SH3PXD2A: variants seen among roughly 807,000 people sequenced by gnomAD.
The protein encoded by SH3PXD2A is SH3 and PX domains 2A, also known as SH3 and PX domain-containing protein 2A.
SH3PXD2A carries 32 observed loss-of-function variants against 115.2 expected under a neutral mutation model. The observed-to-expected ratio is 0.28, with a 90% CI of 0.21 to 0.37. The LOEUF is 0.37. Ranked by LOEUF, SH3PXD2A falls within the 10% of genes least tolerant of loss-of-function variation. The pLI is 1.00. For synonymous variants in SH3PXD2A, 610 were observed against 629.1 expected, an observed-to-expected ratio of 0.97 and a Z score of 0.45; for missense variants, 1,328 against 1,498.7, an observed-to-expected ratio of 0.89 and a Z score of 1.88.
chr10:103,758,839 ACAGACC>A (rs2038669647), intron 3 of SH3PXD2A, among the ~76,000 whole-genome samples: 1 of 152,202 alleles, frequency 6.6e-6, no homozygotes, highest in South Asian at 2.1e-4. Context: ...AGAATTACCA[ACAGACC>A]CTATTTTTCC....
intron 1 of SH3PXD2A, among the ~76,000 whole-genome samples, chr10:103,835,863 C>T (rs141855802): frequency 2.2e-4 from 33 of 152,332 alleles, no homozygotes; most frequent in Non-Finnish European, 3.8e-4. Flanking sequence ...CCAGAAATCA[C>T]GTTTCTAGAG....
chr10:103,721,276 T>C lies in SH3PXD2A; in HGVS notation c.398+2994A>G, dbSNP rs76997114. ...CTCGTGAGTTCTGCATTATCTCATT[T>C]TAGGGGAACAGAAATGCAGAGACAT... On this transcript the variant is annotated intron_variant, in intron 5 of 14. Transcript: ENST00000369774. Among the ~76,000 whole-genome samples, 166 of 152,300 alleles carry C rather than the reference T, an allele frequency of 1.1e-3. 1 individual carries two copies. The highest frequency in any genetic ancestry group is 3.8e-3 in the African/African-American group (158 of 41,578).
At chr10:103,757,595 C>T (rs142885790) in intron 3 of SH3PXD2A, among the ~76,000 whole-genome samples, 15 of 152,116 alleles carry the variant, frequency 9.9e-5, no homozygotes, top group African/African-American at 2.9e-4. Context: ...GGGGATGTCG[C>T]GGGGGAAGGG....
chr10:103,737,102 G>C (rs1249044895), intron 3 of SH3PXD2A, among the ~76,000 whole-genome samples: 1 of 152,210 alleles, frequency 6.6e-6, no homozygotes, highest in Non-Finnish European at 1.5e-5. Context: ...CACAAGACAG[G>C]TGCTTGGTAA....
At position 103,756,583 on chromosome 10, in the gene SH3PXD2A, C is replaced by T. The variant is rs116930368; in HGVS notation, c.229+10511G>A. Among the ~76,000 whole-genome samples the T allele has an allele frequency of 1.4e-3, 215 of 152,226 alleles. No individual in the cohort carries two copies. The highest frequency in any genetic ancestry group is 4.8e-3 in the African/African-American group (201 of 41,538). On this transcript the variant is annotated intron_variant, in intron 3 of 14. Transcript: ENST00000369774. The surrounding 1 kb of genome is among the most constrained non-coding windows in gnomAD (Gnocchi z 4.4). ...CACCTTTCATATGCTCCAAAGGCTT[C>T]GGCCACCTCAGGGAGGAGGGAGGAA...
At chr10:103,717,761 C>A (rs570660053) in intron 5 of SH3PXD2A, among the ~76,000 whole-genome samples, 4 of 152,206 alleles carry the variant, frequency 2.6e-5, no homozygotes, top group Non-Finnish European at 5.9e-5. Flanking sequence ...TGAGTCCTGC[C>A]GGGCCAGTTT....
intron 6 of SH3PXD2A, among the ~76,000 whole-genome samples, chr10:103,676,749 C>G (rs1217668460): frequency 1.3e-5 from 2 of 152,218 alleles, no homozygotes; most frequent in South Asian, 2.1e-4. Flanking sequence ...GCGGCCTCCC[C>G]CTCAGTTCTC....
chr10:103,666,500 C>T lies in SH3PXD2A; in HGVS notation c.472+2108G>A, dbSNP rs150940979. Among the ~76,000 whole-genome samples, 65 of 152,258 alleles carry T rather than the reference C, an allele frequency of 4.3e-4. No individual in the cohort carries two copies. Among genetic ancestry groups the T allele is most frequent in the African/African-American group, 1.4e-3 (57 of 41,542 alleles). The stretch of plus-strand genomic sequence containing the variant: ...GTATGTGCCTTGGACAAGAGTCTCT[C>T]GACACTCCAGGACTGGTGCCTCAGG... On this transcript the variant is annotated intron_variant, in intron 7 of 14. Transcript: ENST00000369774. The surrounding 1 kb of genome is among the most constrained non-coding windows in gnomAD (Gnocchi z 4.5).
intron 8 of SH3PXD2A, among the ~76,000 whole-genome samples, chr10:103,649,751 C>A (rs2037090244): frequency 6.6e-6 from 1 of 152,212 alleles, no homozygotes; most frequent in South Asian, 2.1e-4. Context: ...TGTGAGAATG[C>A]CGCTTAAAAG....
chr10:103,844,999 G>T (rs1164522515), intron 1 of SH3PXD2A, among the ~76,000 whole-genome samples: 3 of 152,146 alleles, frequency 2.0e-5, no homozygotes, highest in Non-Finnish European at 2.9e-5. Flanking sequence ...GTCAGCAGAA[G>T]ATACAGGTCA....
At chr10:103,720,322 A>T (rs1301869298) in intron 5 of SH3PXD2A, among the ~76,000 whole-genome samples, 1 of 152,232 alleles carries the variant, frequency 6.6e-6, no homozygotes, top group Non-Finnish European at 1.5e-5. Context: ...CATGAAGAAC[A>T]TCCTTTCTGT....
intron 1 of SH3PXD2A, among the ~76,000 whole-genome samples, chr10:103,845,200 G>A (rs1336257740): frequency 2.6e-5 from 4 of 151,538 alleles, no homozygotes; most frequent in African/African-American, 7.3e-5. Flanking sequence ...GCATGGTGGT[G>A]TGCGCCTGTA....
chr10:103,741,287 G>A (rs1250418019), intron 3 of SH3PXD2A, among the ~76,000 whole-genome samples: 1 of 152,192 alleles, frequency 6.6e-6, no homozygotes, highest in South Asian at 2.1e-4. Context: ...AAAAGAGTTT[G>A]GTTTTATTCT....
intron 8 of SH3PXD2A, among the ~76,000 whole-genome samples, chr10:103,643,966 T>A (rs931673777): frequency 1.3e-5 from 2 of 151,450 alleles, no homozygotes; most frequent in African/African-American, 4.9e-5. Flanking sequence ...CAAAAAAAAA[T>A]TAGCAGGGCG....
intron 2 of SH3PXD2A, among the ~76,000 whole-genome samples, chr10:103,767,533 G>T (rs1310545449): frequency 6.6e-6 from 1 of 152,118 alleles, no homozygotes; most frequent in Non-Finnish European, 1.5e-5. Flanking sequence ...TTCGTCTGTG[G>T]GGTGAATCCT....
chr10:103,659,033 G>A (rs2037252345), intron 8 of SH3PXD2A, among the ~76,000 whole-genome samples: 2 of 152,350 alleles, frequency 1.3e-5, no homozygotes, highest in Non-Finnish European at 2.9e-5. Flanking sequence ...GGGAGCTGGG[G>A]TGCCTGGGCC....
chr10:103,745,423 A>G (rs1054479588), intron 3 of SH3PXD2A, among the ~76,000 whole-genome samples: 2 of 152,198 alleles, frequency 1.3e-5, no homozygotes, highest in Non-Finnish European at 1.5e-5. Flanking sequence ...GTGACAGGGG[A>G]TGAGTCATAA....
chr10:103,707,189 A>G (rs2037991352), intron 5 of SH3PXD2A, among the ~76,000 whole-genome samples: 1 of 147,548 alleles, frequency 6.8e-6, no homozygotes, highest in Admixed American at 6.7e-5. Context: ...CCATGGCACT[A>G]TATATTTCAA....
intron 7 of SH3PXD2A, 76 bp downstream of exon 7, chr10:103,668,532 C>T: frequency 7.9e-7 from 1 of 1,264,956 alleles, no homozygotes; most frequent in South Asian, 1.3e-5. Flanking sequence ...ATGCGCAGGG[C>T]CTGCAGGCAC....
Sources: gnomAD v4.1 joint callset for allele counts (sites outside exome capture counted in the v4.1 genomes callset) on GRCh38, gnomAD v4.1.1 for gene constraint, Gnocchi (gnomAD v3.1) non-coding constraint, MANE v1.5 for transcripts, NCBI Gene and HGNC (gene_info 2026-07-23, HGNC 2026-07-21) for gene names.